GPR158: variants seen among roughly 807,000 people sequenced by gnomAD.
GPR158 encodes the protein G protein-coupled receptor 158, also known as metabotropic glycine receptor.
A neutral mutation model predicts 78.2 loss-of-function variants in GPR158; 30 were observed. The ratio of observed to expected loss-of-function variants is 0.38; its 90% CI spans 0.29 to 0.52. GPR158 has a LOEUF of 0.52. Among genes scored for constraint, GPR158 ranks in the 20% least tolerant of loss-of-function variants. The probability of loss-of-function intolerance (pLI) is 0.83; values close to 1 mark genes in which losing one functional copy is unlikely to be tolerated. For missense variants in GPR158, 1,463 were observed against 1,523.5 expected (o/e 0.96, Z 0.66); for synonymous variants, 581 against 591.1 (o/e 0.98, Z 0.25).
intron 6 of GPR158, among the ~76,000 whole-genome samples, chr10:25,563,092 T>G (rs979063795): frequency 1.3e-5 from 2 of 152,218 alleles, no homozygotes; most frequent in Non-Finnish European, 2.9e-5. Flanking sequence ...ATATAGCTAC[T>G]TTGGTTATTA....
chr10:25,449,565 G>GA (rs1183471835), intron 4 of GPR158, among the ~76,000 whole-genome samples: 1 of 152,176 alleles, frequency 6.6e-6, no homozygotes, highest in Non-Finnish European at 1.5e-5. Flanking sequence ...ACTTTCCTAG[G>GA]AGAGAGTAGA....
At chr10:25,558,074 A>G (rs1316112492) in intron 6 of GPR158, among the ~76,000 whole-genome samples, 3 of 152,220 alleles carry the variant, frequency 2.0e-5, no homozygotes, top group Non-Finnish European at 4.4e-5. Flanking sequence ...TACATGTTCT[A>G]ATTTCTAATT....
chr10:25,491,767 T>G (rs1213021324), intron 5 of GPR158, among the ~76,000 whole-genome samples: 1 of 152,134 alleles, frequency 6.6e-6, no homozygotes, highest in Non-Finnish European at 1.5e-5. Flanking sequence ...TTTACTTAAA[T>G]GTATATCTGT....
chr10:25,306,733 G>C (rs117683782), intron 2 of GPR158, among the ~76,000 whole-genome samples: 1 of 152,136 alleles, frequency 6.6e-6, no homozygotes, highest in Non-Finnish European at 1.5e-5. Flanking sequence ...AATAGTGGGA[G>C]ACATCATGTA....
intron 4 of GPR158, among the ~76,000 whole-genome samples, chr10:25,450,583 G>C (rs1172586669): frequency 1.3e-5 from 2 of 151,898 alleles, no homozygotes; most frequent in African/African-American, 4.8e-5. Context: ...AGACCCTAGA[G>C]ACAATTTAGA....
At chr10:25,300,783 C>T (rs1161750921) in intron 2 of GPR158, among the ~76,000 whole-genome samples, 1 of 151,914 alleles carries the variant, frequency 6.6e-6, no homozygotes, top group Non-Finnish European at 1.5e-5. Flanking sequence ...CACCAGGTGA[C>T]CCCCTGTGAT....
intron 5 of GPR158, among the ~76,000 whole-genome samples, chr10:25,515,867 T>C (rs1365268169): frequency 6.6e-6 from 1 of 150,958 alleles, no homozygotes; most frequent in Non-Finnish European, 1.5e-5. Context: ...TGATTTATAG[T>C]CATTTGGGTA....
intron 2 of GPR158, among the ~76,000 whole-genome samples, chr10:25,264,674 G>A (rs570441399): frequency 6.6e-6 from 1 of 152,082 alleles, no homozygotes. Flanking sequence ...CAGAATAAAG[G>A]CCAAAGAAGA....
chr10:25,549,175 T>C (rs1836699457), intron 5 of GPR158, among the ~76,000 whole-genome samples: 2 of 152,154 alleles, frequency 1.3e-5, no homozygotes, highest in African/African-American at 4.8e-5. Context: ...CCCCCGTATG[T>C]GTAGTCTCTC....
At chr10:25,187,893 C>G (rs1840252615) in intron 1 of GPR158, among the ~76,000 whole-genome samples, 1 of 152,180 alleles carries the variant, frequency 6.6e-6, no homozygotes, top group Non-Finnish European at 1.5e-5. Flanking sequence ...CCCATCGTCT[C>G]AGCCCAAAAT....
At chr10:25,507,937 T>C (rs994289761) in intron 5 of GPR158, among the ~76,000 whole-genome samples, 6 of 152,204 alleles carry the variant, frequency 3.9e-5, no homozygotes, top group Non-Finnish European at 8.8e-5. Flanking sequence ...ATTTCTGATG[T>C]GCAGGTTTTT....
intron 2 of GPR158, among the ~76,000 whole-genome samples, chr10:25,239,501 G>T (rs1048470860): frequency 4.6e-5 from 7 of 151,976 alleles, no homozygotes; most frequent in African/African-American, 1.7e-4. Flanking sequence ...CCAGATACTT[G>T]GGAGGCTGAG....
In GPR158 at chr10:25,599,186, G is replaced by A; in HGVS notation, c.3560G>A (p.Ser1187Asn). The change falls in exon 11 of 11, where the codon AGT becomes AAT. Residue 1187 changes from serine to asparagine, a missense_variant. Ser to Asn is a conservative substitution (Grantham distance 46). Transcript: ENST00000376351. The part of the protein sequence containing the change: ...ETPAQPNAGR[S>N]VALPASSALS... ...CCAGCTCAACCAAATGCTGGAAGAA[G>A]TGTAGCTTTACCTGCCTCTTCTGCT... The A allele has an allele frequency of 6.2e-7, 1 of 1,611,638 alleles. No individual in the cohort carries two copies. Among genetic ancestry groups the A allele is most frequent in the South Asian group, 1.1e-5 (1 of 91,088 alleles).
chr10:25,545,971 T>A (rs142018608), intron 5 of GPR158, among the ~76,000 whole-genome samples: 82 of 152,150 alleles, frequency 5.4e-4, no homozygotes, highest in Admixed American at 9.2e-4. Flanking sequence ...AGCTGATGAG[T>A]GCAACAAAGG....
intron 4 of GPR158, among the ~76,000 whole-genome samples, chr10:25,426,968 A>T (rs1187593240): frequency 2.7e-5 from 2 of 74,282 alleles, no homozygotes; most frequent in African/African-American, 8.0e-5. Context: ...ATTATTGCCA[A>T]TAATTCAAAT....
At chr10:25,588,673 A>T (rs1251898622) in intron 7 of GPR158, among the ~76,000 whole-genome samples, 1 of 152,218 alleles carries the variant, frequency 6.6e-6, no homozygotes, top group Non-Finnish European at 1.5e-5. Flanking sequence ...TTCCACGAGC[A>T]TCCTAAACTT....
rs116377726 is a variant in GPR158, at chr10:25,410,623, A to G, written c.1112-1627A>G. 5.2e-3 allele frequency among the ~76,000 whole-genome samples: 796 copies of G among 152,290 alleles called. 5 individuals carry two copies. The highest frequency in any genetic ancestry group is 0.017 in the African/African-American group (706 of 41,558). The stretch of plus-strand genomic sequence containing the variant: ...ACAGTGAGACTCCATCACAAAAATA[A>G]ATAAATAAATAAATAACCTCATTTA... On this transcript the variant is annotated intron_variant, in intron 3 of 10. Coordinates refer to ENST00000376351, the MANE Select transcript of GPR158 (RefSeq NM_020752.3).
At chr10:25,313,665 A>G (rs555538735) in intron 2 of GPR158, among the ~76,000 whole-genome samples, 3 of 152,220 alleles carry the variant, frequency 2.0e-5, no homozygotes, top group South Asian at 2.1e-4. Context: ...ACCCATTACT[A>G]TAGTTCTTGG....
At chr10:25,483,572 A>G (rs987129267) in intron 5 of GPR158, among the ~76,000 whole-genome samples, 4 of 151,912 alleles carry the variant, frequency 2.6e-5, no homozygotes, top group African/African-American at 9.7e-5. Flanking sequence ...TTATTTATTT[A>G]TTTATTTGCT....
Sources: allele counts gnomAD v4.1 joint callset (sites outside exome capture counted in the v4.1 genomes callset), GRCh38; gene constraint gnomAD v4.1.1; transcripts MANE v1.5; gene names NCBI Gene and HGNC (gene_info 2026-07-23, HGNC 2026-07-21).